Variants in SMYD3 observed in about 807,000 individuals in gnomAD.
SMYD3 encodes the protein SET and MYND domain containing 3, also known as histone-lysine N-methyltransferase SMYD3.
SMYD3 carries 36 observed loss-of-function variants against 57.7 expected under a neutral mutation model. The ratio of observed to expected loss-of-function variants is 0.62; its 90% confidence interval spans 0.48 to 0.82. The LOEUF (loss-of-function observed/expected upper bound fraction) is 0.82, where lower values mean the gene tolerates loss of function less well. Ranked by LOEUF, SMYD3 falls within the 40% of genes least tolerant of loss-of-function variation. The probability of loss-of-function intolerance (pLI) is 0.00; values close to 1 mark genes in which losing one functional copy is unlikely to be tolerated. For synonymous variants in SMYD3, 211 were observed against 195.0 expected (o/e 1.08, Z -0.68); for missense variants, 515 against 538.8 (o/e 0.96, Z 0.44).
chr1:246,024,254 C>A (rs1386510890), intron 5 of SMYD3, among the ~76,000 whole-genome samples: 2 of 152,192 alleles, frequency 1.3e-5, no homozygotes, highest in Admixed American at 6.5e-5. Flanking sequence ...AAAAGAGGAA[C>A]CTCATTCTGC....
intron 5 of SMYD3, among the ~76,000 whole-genome samples, chr1:246,238,606 A>G (rs2063548248): frequency 6.6e-6 from 1 of 152,178 alleles, no homozygotes. Flanking sequence ...TCCTGTTTGA[A>G]ACAAAATATC....
chr1:246,233,302 A>G (rs1175500182), intron 5 of SMYD3, among the ~76,000 whole-genome samples: 1 of 125,856 alleles, frequency 7.9e-6, no homozygotes, highest in Non-Finnish European at 1.7e-5. Flanking sequence ...GCGCTCCTCA[A>G]TTCACACTGT....
intron 1 of SMYD3, among the ~76,000 whole-genome samples, chr1:246,487,416 C>T (rs1239760678): frequency 6.6e-6 from 1 of 151,842 alleles, no homozygotes; most frequent in Non-Finnish European, 1.5e-5. Flanking sequence ...GCCGAGATTG[C>T]ACCACTGCAC....
intron 5 of SMYD3, among the ~76,000 whole-genome samples, chr1:246,095,987 G>C (rs911123824): frequency 2.0e-5 from 3 of 152,110 alleles, no homozygotes; most frequent in African/African-American, 7.2e-5. Flanking sequence ...TCCATACAAA[G>C]ACACCTTCTA....
At chr1:246,039,415 T>C (rs1157429081) in intron 5 of SMYD3, among the ~76,000 whole-genome samples, 1 of 152,212 alleles carries the variant, frequency 6.6e-6, no homozygotes, top group African/African-American at 2.4e-5. Context: ...TTAGAAAATG[T>C]GTATTTACCG....
intron 1 of SMYD3, among the ~76,000 whole-genome samples, chr1:246,363,225 G>A (rs2066032350): frequency 6.7e-6 from 1 of 149,788 alleles, no homozygotes; most frequent in Non-Finnish European, 1.5e-5. Context: ...TCTCCGCCCG[G>A]CAGCCACCCC....
intron 1 of SMYD3, among the ~76,000 whole-genome samples, chr1:246,446,397 A>G (rs1424068464): frequency 6.6e-6 from 1 of 152,216 alleles, no homozygotes; most frequent in Non-Finnish European, 1.5e-5. Context: ...CATTTACTAT[A>G]TATAAAAACA....
At chr1:246,049,354 G>T (rs1398215534) in intron 5 of SMYD3, among the ~76,000 whole-genome samples, 5 of 151,990 alleles carry the variant, frequency 3.3e-5, no homozygotes, top group African/African-American at 7.3e-5. Context: ...TGGAGTGCAG[G>T]GGTGCAACCT....
Position 245,940,737 on chromosome 1 carries a change from A to G in SMYD3, c.532-10800T>C, listed in dbSNP as rs1403670411. Among the ~76,000 whole-genome samples, 8 of 152,324 alleles carry G rather than the reference A, an allele frequency of 5.3e-5. No homozygotes were observed. In the South Asian group the frequency reaches 1.2e-3, roughly 24 times the overall value. ...ATCAATGCAAAAATGCTGAAAACTC[A>G]AAAAGCCATAGTGCCTCTTCTCCTT... On this transcript the variant is annotated intron_variant, in intron 5 of 11. Transcript: ENST00000490107.
rs141744463 is a variant in SMYD3 at position 246,143,827 on chromosome 1, T to C, written c.531+183374A>G. On this transcript the variant is annotated intron_variant, in intron 5 of 11. Coordinates refer to ENST00000490107, the MANE Select transcript of SMYD3 (RefSeq NM_001167740.2). Reference sequence around the variant, plus strand: ...GTTAGGTCAACACCATTTACCTATATGTCTAGAAGAATGCTCCACTACATC... The same window carrying C: ...GTTAGGTCAACACCATTTACCTATACGTCTAGAAGAATGCTCCACTACATC... Among the ~76,000 whole-genome samples the C allele has an allele frequency of 3.3e-5, 5 of 152,354 alleles. No individual in the cohort carries two copies. In the East Asian group the frequency reaches 9.6e-4, roughly 29 times the overall value.
At chr1:245,983,286 T>C (rs1026886852) in intron 5 of SMYD3, among the ~76,000 whole-genome samples, 1 of 152,136 alleles carries the variant, frequency 6.6e-6, no homozygotes, top group African/African-American at 2.4e-5. Flanking sequence ...GGAAAGAAAA[T>C]AGAAAAAGAA....
At position 245,949,352 on chromosome 1, in the gene SMYD3, C is replaced by A. The variant is rs113810845; in HGVS notation, c.532-19415G>T. ...GCCCAAGGACTGGTGCGCCCGGGGTCCCTGTCCCCAGCAAAATTTCACTGC... is the reference window on the plus strand; with the variant it reads ...GCCCAAGGACTGGTGCGCCCGGGGTACCTGTCCCCAGCAAAATTTCACTGC... On this transcript the variant is annotated intron_variant, in intron 5 of 11. Coordinates refer to ENST00000490107, the MANE Select transcript of SMYD3 (RefSeq NM_001167740.2). Among the ~76,000 whole-genome samples the A allele has an allele frequency of 6.0e-3, 913 of 152,308 alleles. 8 individuals are homozygous for A. Among genetic ancestry groups the A allele is most frequent in the African/African-American group, 0.021 (880 of 41,568 alleles).
chr1:245,786,335 C>A (rs2047048462), intron 10 of SMYD3, among the ~76,000 whole-genome samples: 3 of 151,938 alleles, frequency 2.0e-5, no homozygotes, highest in Non-Finnish European at 4.4e-5. Context: ...AGTATGGCAT[C>A]TTTATACACC....
At chr1:246,247,950 T>A (rs1224889854) in intron 5 of SMYD3, among the ~76,000 whole-genome samples, 3 of 152,178 alleles carry the variant, frequency 2.0e-5, no homozygotes, top group African/African-American at 7.2e-5. Flanking sequence ...GATGAGAACA[T>A]ACCCTTTCCT....
intron 5 of SMYD3, among the ~76,000 whole-genome samples, chr1:245,946,813 A>G (rs1412026037): frequency 6.6e-6 from 1 of 152,178 alleles, no homozygotes; most frequent in Non-Finnish European, 1.5e-5. Flanking sequence ...CCTTTTAATC[A>G]TGTTGCTATT....
At chr1:245,816,959 G>A (rs1003368490) in intron 10 of SMYD3, among the ~76,000 whole-genome samples, 24 of 151,158 alleles carry the variant, frequency 1.6e-4, no homozygotes, top group Middle Eastern at 7.1e-3. Flanking sequence ...AGGCGGCAGC[G>A]AGGCTGGGGG....
intron 10 of SMYD3, among the ~76,000 whole-genome samples, chr1:245,825,364 T>C (rs2049423934): frequency 6.6e-6 from 1 of 152,190 alleles, no homozygotes; most frequent in East Asian, 1.9e-4. Context: ...CTGAGTCTCA[T>C]ATCTAGAGGA....
Position 246,260,851 on chromosome 1 carries a change from T to G in SMYD3, c.531+66350A>C, listed in dbSNP as rs12032543. On this transcript the variant is annotated intron_variant, in intron 5 of 11. Coordinates refer to ENST00000490107, the MANE Select transcript of SMYD3 (RefSeq NM_001167740.2). ...GCCATCTTAGAGAAACAATCTGCACTTTATAAATGGACAGGTAAATCTTTG... is the reference window on the plus strand; with the variant it reads ...GCCATCTTAGAGAAACAATCTGCACGTTATAAATGGACAGGTAAATCTTTG... 2.3e-3 allele frequency among the ~76,000 whole-genome samples: 349 copies of G among 152,254 alleles called. 10 individuals carry two copies. In the East Asian group the frequency reaches 0.06, roughly 26 times the overall value.
chr1:245,938,216 A>T (rs1329965520), intron 5 of SMYD3, among the ~76,000 whole-genome samples: 1 of 152,234 alleles, frequency 6.6e-6, no homozygotes, highest in Non-Finnish European at 1.5e-5. Context: ...ATTTCACATG[A>T]CAGTAGCTGA....
Sources: gnomAD v4.1 joint callset for allele counts (sites outside exome capture counted in the v4.1 genomes callset) on GRCh38, gnomAD v4.1.1 for gene constraint, MANE v1.5 for transcripts, NCBI Gene and HGNC (gene_info 2026-07-23, HGNC 2026-07-21) for gene names.